Variants in CADPS2 observed in about 807,000 individuals in gnomAD.
CADPS2 encodes the protein calcium dependent secretion activator 2.
Under a neutral mutation model 172.5 loss-of-function variants are expected in CADPS2, and 93 were observed. That is an observed-to-expected ratio of 0.54 (90% CI 0.46 to 0.64). The LOEUF is 0.64. Ranked by LOEUF, CADPS2 falls within the 30% of genes least tolerant of loss-of-function variation. CADPS2 has a pLI of 0.00. For synonymous variants in CADPS2, 546 were observed against 555.2 expected (o/e 0.98, Z 0.23); for missense variants, 1,420 against 1,565.9 (o/e 0.91, Z 1.57).
intron 1 of CADPS2, among the ~76,000 whole-genome samples, chr7:122,751,231 G>T (rs1588977549): frequency 6.6e-6 from 1 of 152,048 alleles, no homozygotes; most frequent in South Asian, 2.1e-4. Flanking sequence ...CTCGAGCCTT[G>T]GATTCCCAAA....
chr7:122,694,493 A>G (rs2084812785), intron 2 of CADPS2, among the ~76,000 whole-genome samples: 1 of 152,194 alleles, frequency 6.6e-6, no homozygotes, highest in Non-Finnish European at 1.5e-5. Flanking sequence ...TCTAAAAATC[A>G]TCACGGGACA....
intron 25 of CADPS2, chr7:122,369,536 T>C (rs140506007): frequency 2.4e-4 from 36 of 152,296 alleles, no homozygotes; most frequent in African/African-American, 8.2e-4. Flanking sequence ...TTTCAATTGT[T>C]GAAATCTTAT....
At chr7:122,833,525 C>T (rs564016708) in intron 1 of CADPS2, among the ~76,000 whole-genome samples, 2 of 151,918 alleles carry the variant, frequency 1.3e-5, no homozygotes, top group African/African-American at 4.8e-5. Flanking sequence ...CCACCACACC[C>T]AGCTTTGTTT....
Position 122,320,012 on chromosome 7 carries a change from C to A in CADPS2, c.*153G>T. On this transcript the variant is annotated 3_prime_UTR_variant, in exon 30 of 30. Coordinates refer to ENST00000449022, the MANE Select transcript of CADPS2 (RefSeq NM_017954.11). Reference sequence around the variant, plus strand: ...AAAACCCCAAAATCTTGGCATTTCCCCTTTTACTCTACATTCAGGCTTACT... The same window carrying A: ...AAAACCCCAAAATCTTGGCATTTCCACTTTTACTCTACATTCAGGCTTACT... 1 of 734,730 alleles carries A rather than the reference C, an allele frequency of 1.4e-6. No individual in the cohort carries two copies. Among genetic ancestry groups the A allele is most frequent in the East Asian group, 3.3e-5 (1 of 30,216 alleles). 45.5% of individuals were successfully genotyped at this position (734,730 alleles called of 1,614,324 possible).
intron 3 of CADPS2, 54 bp from the exon 4 acceptor site, chr7:122,629,382 G>A (rs1210308691): frequency 1.5e-5 from 20 of 1,348,864 alleles, no homozygotes; most frequent in Non-Finnish European, 1.7e-5. Flanking sequence ...TATATACAGT[G>A]ACCCACAGAC....
At chr7:122,605,397 G>A (rs1356827357) in intron 6 of CADPS2, among the ~76,000 whole-genome samples, 1 of 152,018 alleles carries the variant, frequency 6.6e-6, no homozygotes, top group East Asian at 1.9e-4. Flanking sequence ...TTATTGGACT[G>A]GTCATTCATA....
intron 1 of CADPS2, among the ~76,000 whole-genome samples, chr7:122,769,941 C>A (rs2093659739): frequency 6.6e-6 from 1 of 152,198 alleles, no homozygotes; most frequent in South Asian, 2.1e-4. Flanking sequence ...ATTTACTGAG[C>A]ACTTTCTATG....
At chr7:122,455,326 G>A (rs1419277190) in intron 14 of CADPS2, among the ~76,000 whole-genome samples, 1 of 152,042 alleles carries the variant, frequency 6.6e-6, no homozygotes, top group African/African-American at 2.4e-5. Context: ...CTCAGCATTA[G>A]TGAGGTTATC....
rs565545166 is a variant in CADPS2 at position 122,787,362 on chromosome 7, G to T, written c.340-50294C>A. Reference sequence around the variant, plus strand: ...TCAGAAGGGACCACAGAAACCACAGGTCTACCAGCTAGTTACTTGTTATCA... The same window carrying T: ...TCAGAAGGGACCACAGAAACCACAGTTCTACCAGCTAGTTACTTGTTATCA... On this transcript the variant is annotated intron_variant, in intron 1 of 29. Coordinates refer to ENST00000449022, the MANE Select transcript of CADPS2 (RefSeq NM_017954.11). 9.2e-5 allele frequency among the ~76,000 whole-genome samples: 14 copies of T among 152,232 alleles called. 1 individual carries two copies. The South Asian group carries it at 2.3e-3, about 25-fold the overall frequency.
At position 122,640,552 on chromosome 7, in the gene CADPS2, C is replaced by G. The variant is rs1165565803; in HGVS notation, c.787-11224G>C. 2.0e-5 allele frequency among the ~76,000 whole-genome samples: 3 copies of G among 150,148 alleles called. 1 individual carries two copies. The highest frequency in any genetic ancestry group is 1.5e-5 in the Non-Finnish European group (1 of 67,568). Reference sequence around the variant, plus strand: ...GAAGGGGAGAAGAAATAAATAAAAGCCTGAATGGACAAAATTTAGGTCTAG... The same window carrying G: ...GAAGGGGAGAAGAAATAAATAAAAGGCTGAATGGACAAAATTTAGGTCTAG... On this transcript the variant is annotated intron_variant, in intron 3 of 29. Coordinates refer to ENST00000449022, the MANE Select transcript of CADPS2 (RefSeq NM_017954.11).
At position 122,681,622 on chromosome 7, in the gene CADPS2, C is replaced by A. The variant is rs1588383442; in HGVS notation, c.454-18053G>T. On this transcript the variant is annotated intron_variant, in intron 2 of 29. Coordinates refer to ENST00000449022, the MANE Select transcript of CADPS2 (RefSeq NM_017954.11). ...CGAACACCCCCACCCAGATTTAGAC[C>A]TGCGGGTGCTGCCCCACGTCCCCCA... The A allele has an allele frequency of 1.2e-5, 18 of 1,472,984 alleles. No individual in the cohort carries two copies. The East Asian group carries it at 2.9e-4, about 24-fold the overall frequency. The allele number at this position is 1,472,984 out of a possible 1,614,324, so 91.2% of individuals were successfully genotyped here.
chr7:122,523,664 G>A (rs1050978457), intron 8 of CADPS2, among the ~76,000 whole-genome samples: 1 of 152,054 alleles, frequency 6.6e-6, no homozygotes, highest in African/African-American at 2.4e-5. Flanking sequence ...ATTAATATAT[G>A]CATTACCTCA....
chr7:122,632,530 T>G (rs1464911732), intron 3 of CADPS2, among the ~76,000 whole-genome samples: 1 of 152,214 alleles, frequency 6.6e-6, no homozygotes, highest in Non-Finnish European at 1.5e-5. Flanking sequence ...GATCATGTCC[T>G]TTGCCCATTT....
At chr7:122,758,235 G>A (rs1196839965) in intron 1 of CADPS2, among the ~76,000 whole-genome samples, 1 of 151,866 alleles carries the variant, frequency 6.6e-6, no homozygotes, top group Non-Finnish European at 1.5e-5. Context: ...TTTTCATATT[G>A]CCTGCAGGGT....
chr7:122,645,297 A>G (rs960518214), intron 3 of CADPS2, among the ~76,000 whole-genome samples: 2 of 137,330 alleles, frequency 1.5e-5, no homozygotes, highest in African/African-American at 5.2e-5. Flanking sequence ...GTACATATAT[A>G]CACATATGTA....
At chr7:122,519,354 T>G (rs2060611176) in intron 8 of CADPS2, among the ~76,000 whole-genome samples, 2 of 152,084 alleles carry the variant, frequency 1.3e-5, no homozygotes, top group Admixed American at 6.6e-5. Context: ...TAAAGCAAGG[T>G]ATTAAGCAGT....
At chr7:122,395,623 A>C (rs1233882165) in intron 20 of CADPS2, 1 of 152,134 alleles carries the variant, frequency 6.6e-6, no homozygotes, top group Non-Finnish European at 1.5e-5. Flanking sequence ...CATCTAATTC[A>C]CTGTAGTATG....
In CADPS2 at chr7:122,403,799, G is replaced by A. The variant is rs2046265899; in HGVS notation, c.2746+3741C>T. Among the ~76,000 whole-genome samples, 3 of 151,556 alleles carry A rather than the reference G, an allele frequency of 2.0e-5. No individual in the cohort carries two copies. The South Asian group carries it at 6.2e-4, about 31-fold the overall frequency. On this transcript the variant is annotated intron_variant, in intron 20 of 29. Coordinates refer to ENST00000449022, the MANE Select transcript of CADPS2 (RefSeq NM_017954.11). ...ATAAGTAATTCCATTCATTGTAGAT[G>A]AATGAATATTCCATTGTAGATGAAT...
At chr7:122,436,741 C>T (rs971532021) in intron 17 of CADPS2, among the ~76,000 whole-genome samples, 3 of 152,120 alleles carry the variant, frequency 2.0e-5, no homozygotes, top group African/African-American at 4.8e-5. Flanking sequence ...GAGAGTTTCC[C>T]GCTCACTGTC....
Sources: gnomAD v4.1 joint callset for allele counts (sites outside exome capture counted in the v4.1 genomes callset) on GRCh38, gnomAD v4.1.1 for gene constraint, MANE v1.5 for transcripts, NCBI Gene and HGNC (gene_info 2026-07-23, HGNC 2026-07-21) for gene names.